Variants in MYH8 observed in about 807,000 individuals in gnomAD.
MYH8 encodes the protein myosin heavy chain 8, also known as myosin-8.
MYH8 carries 168 observed loss-of-function variants against 233.2 expected under a neutral mutation model. That is an observed-to-expected ratio of 0.72 (90% CI 0.64 to 0.82). MYH8 has a LOEUF of 0.82. Among genes scored for constraint, MYH8 ranks in the 40% least tolerant of loss-of-function variants. MYH8 has a pLI of 0.00. For missense variants in MYH8, 1,995 were observed against 2,327.8 expected (o/e 0.86, Z 2.94); for synonymous variants, 785 against 850.6 (o/e 0.92, Z 1.34).
In MYH8 at chr17:10,406,933, T is replaced by A; in HGVS notation, c.2012A>T (p.His671Leu). ...LMTNLRSTHP[H>L]FVRCIIPNET... ...ATTGGGAATGATACACCGTACGAAG[T>A]GAGGGTGTGTGCTCCTCAGATTCGT... The change falls in exon 18 of 40, where the codon CAC becomes CTC. Residue 671 changes from histidine (H) to leucine (L), a missense_variant. Around this residue, in one of 3 missense-constraint regions of MYH8, gnomAD observed 1,498 missense variants for 1,680.9 expected, o/e 0.89. Coordinates refer to ENST00000403437, the MANE Select transcript of MYH8 (RefSeq NM_002472.3). 1 of 1,614,100 alleles carries A rather than the reference T, an allele frequency of 6.2e-7. No homozygotes were observed. Among genetic ancestry groups the A allele is most frequent in the South Asian group, 1.1e-5 (1 of 91,074 alleles).
rs557998623 is a variant in MYH8, at chr17:10,394,632, A to G, written c.4963-180T>C. ...GTGAGAGAGAATTATCAGGAGACAT[A>G]GATTCTTGTTCTATTTCTACCATTA... On this transcript the variant is annotated intron_variant, in intron 34 of 39. Transcript: ENST00000403437. Among the ~76,000 whole-genome samples the G allele has an allele frequency of 4.6e-5, 7 of 152,320 alleles. No individual in the cohort carries two copies. In the South Asian group the frequency reaches 1.4e-3, roughly 32 times the overall value.
At chr17:10,402,799 A>G (rs1350427679) in intron 22 of MYH8, among the ~76,000 whole-genome samples, 1 of 152,222 alleles carries the variant, frequency 6.6e-6, no homozygotes, top group East Asian at 1.9e-4. Flanking sequence ...TATACAGTCT[A>G]TATTCAGATT....
At chr17:10,410,732 G>T (rs1170560422) in intron 15 of MYH8, 45 bp downstream of exon 15, 1 of 1,613,644 alleles carries the variant, frequency 6.2e-7, no homozygotes, top group Non-Finnish European at 8.5e-7. Flanking sequence ...AAGATTTCTG[G>T]AAAGTGATCC....
intron 15 of MYH8, 50 bp from the exon 16 acceptor site, chr17:10,409,638 T>C (rs751352979): frequency 8.7e-6 from 14 of 1,606,054 alleles, no homozygotes; most frequent in Non-Finnish European, 1.2e-5. Context: ...TCTCAAAAGA[T>C]AGAGACATGG....
At chr17:10,390,720 C>T in intron 39 of MYH8, 117 bp from the exon 40 acceptor site, 1 of 1,187,808 alleles carries the variant, frequency 8.4e-7, no homozygotes, top group Non-Finnish European at 1.2e-6. Context: ...TTTAGCATAT[C>T]CGACTTTAAA....
At chr17:10,412,782 C>A in intron 12 of MYH8, 54 bp from the exon 13 acceptor site, 7 of 1,402,708 alleles carry the variant, frequency 5.0e-6, no homozygotes, top group Non-Finnish European at 7.1e-6. Context: ...CCTCTTTTAC[C>A]TAATCTTTCC....
At chr17:10,414,574 C>CA (rs1280320796) in intron 9 of MYH8, 90 bp from the exon 10 acceptor site, 1 of 881,882 alleles carries the variant, frequency 1.1e-6, no homozygotes, top group East Asian at 2.6e-5. Context: ...AAATTTGGAG[C>CA]ATTACATTTG....
intron 22 of MYH8, among the ~76,000 whole-genome samples, chr17:10,403,943 C>A (rs372340553): frequency 1.5e-4 from 23 of 152,018 alleles, no homozygotes; most frequent in Admixed American, 4.6e-4. Flanking sequence ...AAAGGAGATA[C>A]AGAAATAAAT....
intron 34 of MYH8, among the ~76,000 whole-genome samples, chr17:10,394,722 C>G (rs2072064043): frequency 6.6e-6 from 1 of 152,184 alleles, no homozygotes; most frequent in African/African-American, 2.4e-5. Context: ...TCCATATGCT[C>G]TATCAGGACT....
intron 22 of MYH8, among the ~76,000 whole-genome samples, chr17:10,403,653 G>A (rs2072161791): frequency 6.6e-6 from 1 of 151,972 alleles, no homozygotes; most frequent in Admixed American, 6.6e-5. Context: ...GAAAGTTGCT[G>A]AAAAAAAGTG....
chr17:10,392,613 G>A lies in MYH8; in HGVS notation c.5497C>T (p.Gln1833Ter). The A allele has an allele frequency of 6.2e-7, 1 of 1,614,100 alleles. No individual in the cohort carries two copies. Among genetic ancestry groups the A allele is most frequent in the Non-Finnish European group, 8.5e-7 (1 of 1,180,026 alleles). ...TTAACAGCCTCTGCATTACGTTTCT[G>A]TTCATTTTCAACCTCTCCTTCAAGC... ...RELEGEVENE[Q>*]KRNAEAVKGL... Residue 1833 changes from glutamine to a stop codon, truncating the protein, a stop_gained, in exon 38 of 40, where the codon CAG becomes TAG. Transcript: ENST00000403437. LOFTEE classifies it high-confidence loss of function.
Position 10,419,909 on chromosome 17 carries a change from T to C in MYH8, c.210+109A>G. 1 of 1,183,570 alleles carries C rather than the reference T, an allele frequency of 8.4e-7. No homozygotes were observed. Among genetic ancestry groups the C allele is most frequent in the Non-Finnish European group, 1.3e-6 (1 of 793,550 alleles). 73.3% of individuals were successfully genotyped at this position (1,183,570 alleles called of 1,614,324 possible). On this transcript the variant is annotated intron_variant, in intron 3 of 39. Coordinates refer to ENST00000403437, the MANE Select transcript of MYH8 (RefSeq NM_002472.3). This position sits in a 1 kb window ranked among gnomAD's most constrained non-coding sequence, Gnocchi z 4.0. ...CCACATCTAATGTCTCAACACTGAC[T>C]AGAAGGGTGTTTGCATTGGCAACAG... is the stretch of plus-strand genomic sequence containing the variant.
chr17:10,415,302 G>A lies in MYH8; in HGVS notation c.731C>T (p.Ser244Phe). 1 of 1,613,786 alleles carries A rather than the reference G, an allele frequency of 6.2e-7. No homozygotes were observed. The highest frequency in any genetic ancestry group is 8.5e-7 in the Non-Finnish European group (1 of 1,179,650). ...GNAKTVRNDN[S>F]SRFGKFIRIH... ...GACCAAGAGACTCACAAAGCGAGAG[G>A]AGTTGTCATTCCTCACAGTTTTGGC... Residue 244 changes from serine to phenylalanine, a missense_variant, in exon 8 of 40, where the codon TCC (serine) becomes TTC (phenylalanine). Coordinates refer to ENST00000403437, the MANE Select transcript of MYH8 (RefSeq NM_002472.3). The surrounding 1 kb of genome is among the most constrained non-coding windows in gnomAD (Gnocchi z 4.1).
Position 10,400,271 on chromosome 17 carries a change from A to G in MYH8, c.3735+119T>C, listed in dbSNP as rs2072124385. 7.7e-7 allele frequency: 1 copy of G among 1,298,624 alleles called. No homozygotes were observed. Among genetic ancestry groups the G allele is most frequent in the Non-Finnish European group, 1.1e-6 (1 of 906,550 alleles). The allele number at this position is 1,298,624 out of a possible 1,614,324, so 80.4% of individuals were successfully genotyped here. On this transcript the variant is annotated intron_variant, in intron 27 of 39. Coordinates refer to ENST00000403437, the MANE Select transcript of MYH8 (RefSeq NM_002472.3). This position sits in a 1 kb window ranked among gnomAD's most constrained non-coding sequence, Gnocchi z 4.0. ...TTTAAAAAATACCATAGAATGGGAT[A>G]TATTTGGTTAGAAAATATTTGAGTA... is the stretch of plus-strand genomic sequence containing the variant.
In MYH8 at chr17:10,401,430, T is replaced by C; in HGVS notation, c.2953A>G (p.Met985Val). Reference protein sequence around the residue: ...ENKVKNLTEEMAGLDETIAKL... With the variant: ...ENKVKNLTEEVAGLDETIAKL... Reference sequence around the variant, plus strand: ...GCAATGGTTTCATCCAGGCCTGCCATCTCTTCTGTAAGATTTTTCACCTAC... The same window carrying C: ...GCAATGGTTTCATCCAGGCCTGCCACCTCTTCTGTAAGATTTTTCACCTAC... Residue 985 changes from methionine (M) to valine (V), a missense_variant, in exon 24 of 40, where the codon ATG (methionine) becomes GTG (valine). Coordinates refer to ENST00000403437, the MANE Select transcript of MYH8 (RefSeq NM_002472.3). 1 of 1,614,070 alleles carries C rather than the reference T, an allele frequency of 6.2e-7. No individual in the cohort carries two copies. The highest frequency in any genetic ancestry group is 2.2e-5 in the East Asian group (1 of 44,874).
chr17:10,414,079 G>T (rs949124380), intron 11 of MYH8, 39 bp from the exon 12 acceptor site: 6 of 1,613,360 alleles, frequency 3.7e-6, no homozygotes, highest in Non-Finnish European at 5.1e-6. Flanking sequence ...TAGGGCTGAA[G>T]AGACTAACTT....
chr17:10,417,116 A>G lies in MYH8; in HGVS notation c.512-1408T>C, dbSNP rs144433593. Among the ~76,000 whole-genome samples, 1,740 of 152,308 alleles carry G rather than the reference A, an allele frequency of 0.011. 38 individuals carry two copies. The highest frequency in any genetic ancestry group is 0.04 in the African/African-American group (1,657 of 41,574). ...TCTGGAATTGTGAATATTTGTGTTCATCTGTTTTATTTTCCTTTTAATCTT... is the reference window on the plus strand; with the variant it reads ...TCTGGAATTGTGAATATTTGTGTTCGTCTGTTTTATTTTCCTTTTAATCTT... On this transcript the variant is annotated intron_variant, in intron 5 of 39. Transcript: ENST00000403437. This position sits in a 1 kb window ranked among gnomAD's most constrained non-coding sequence, Gnocchi z 4.1.
At chr17:10,398,367 G>A in intron 30 of MYH8, 77 bp downstream of exon 30, 1 of 1,604,526 alleles carries the variant, frequency 6.2e-7, no homozygotes. Flanking sequence ...GTTAGCTTTT[G>A]CTATTGTTAT....
Position 10,396,449 on chromosome 17 carries a change from TCTC to T in MYH8, c.4531_4533del (p.Glu1511del). 2 of 1,614,062 alleles carry T rather than the reference TCTC, an allele frequency of 1.2e-6. No individual in the cohort carries two copies. Among genetic ancestry groups the T allele is most frequent in the Non-Finnish European group, 1.7e-6 (2 of 1,180,022 alleles). ...GCAATCTGCTCAGTGAGGTCAGAAA[TCTC>T]CTCTGTGGTTGAACAGACAGGAGAG... On this transcript the variant is annotated inframe_deletion and splice_region_variant, in exon 33 of 40. Coordinates refer to ENST00000403437, the MANE Select transcript of MYH8 (RefSeq NM_002472.3). The surrounding 1 kb of genome is among the most constrained non-coding windows in gnomAD (Gnocchi z 4.2).
Sources: gnomAD v4.1 joint callset for allele counts (sites outside exome capture counted in the v4.1 genomes callset) on GRCh38, gnomAD v4.1.1 for gene constraint, gnomAD v4.1.1 regional missense constraint, Gnocchi (gnomAD v3.1) non-coding constraint, MANE v1.5 for transcripts, NCBI Gene and HGNC (gene_info 2026-07-23, HGNC 2026-07-21) for gene names.